Variants in RFC3 observed in about 807,000 individuals in gnomAD.
RFC3 encodes replication factor C subunit 3.
RFC3 carries 41 observed loss-of-function variants against 45.1 expected under a neutral mutation model. That is an observed-to-expected ratio of 0.91 (90% confidence interval 0.71 to 1.18). The LOEUF (loss-of-function observed/expected upper bound fraction) is 1.18, where lower values mean the gene tolerates loss of function less well. RFC3 is among the 50% of genes most tolerant of loss of function. RFC3 has a pLI of 0.00. For missense variants in RFC3, 423 were observed against 428.1 expected (o/e 0.99, Z 0.10); for synonymous variants, 149 against 144.0 (o/e 1.03, Z -0.25).
chr13:33,822,551 G>A (rs1039664158), intron 2 of RFC3, among the ~76,000 whole-genome samples: 13 of 152,126 alleles, frequency 8.5e-5, no homozygotes, highest in African/African-American at 3.1e-4. Context: ...CATGAAAATA[G>A]AGAATTAGAC....
chr13:33,854,262 T>C (rs770712844), intron 8 of RFC3, among the ~76,000 whole-genome samples: 2 of 152,118 alleles, frequency 1.3e-5, no homozygotes, highest in Non-Finnish European at 2.9e-5. Context: ...TCCAGAGTAG[T>C]TATAAAAATA....
chr13:33,905,655 A>G (rs545458334), intron 8 of RFC3, among the ~76,000 whole-genome samples: 2 of 152,204 alleles, frequency 1.3e-5, no homozygotes, highest in African/African-American at 2.4e-5. Flanking sequence ...GATGATTGCT[A>G]CAATATGAAG....
intron 8 of RFC3, among the ~76,000 whole-genome samples, chr13:33,927,854 C>G (rs749837251): frequency 9.9e-5 from 15 of 151,936 alleles, no homozygotes; most frequent in Admixed American, 2.6e-4. Context: ...GTGGGTGGCC[C>G]TATAATACCA....
At chr13:33,862,569 C>A (rs2082347950) in intron 8 of RFC3, among the ~76,000 whole-genome samples, 1 of 152,008 alleles carries the variant, frequency 6.6e-6, no homozygotes, top group Non-Finnish European at 1.5e-5. Flanking sequence ...TTCATACACA[C>A]ACATGTCAAA....
intron 3 of RFC3, 34 bp from the exon 4 acceptor site, chr13:33,825,755 G>A (rs770323339): frequency 8.2e-6 from 10 of 1,220,094 alleles, no homozygotes; most frequent in African/African-American, 7.8e-5. Context: ...AATATTAAGG[G>A]CATACTATAT....
intron 8 of RFC3, among the ~76,000 whole-genome samples, chr13:33,910,876 C>T (rs1469967391): frequency 2.0e-5 from 3 of 151,890 alleles, no homozygotes; most frequent in African/African-American, 7.3e-5. Context: ...GGGAGCAGAG[C>T]AGGAGGAAGT....
At chr13:33,880,326 A>AG (rs2082474679) in intron 8 of RFC3, among the ~76,000 whole-genome samples, 1 of 152,228 alleles carries the variant, frequency 6.6e-6, no homozygotes, top group Non-Finnish European at 1.5e-5. Context: ...ATAAATGTTA[A>AG]GTGCAGCATT....
At chr13:33,955,598 AAC>A (rs1416561149) in intron 8 of RFC3, among the ~76,000 whole-genome samples, 1 of 152,204 alleles carries the variant, frequency 6.6e-6, no homozygotes, top group Non-Finnish European at 1.5e-5. Context: ...GATTTTGCTC[AAC>A]ATAAGTGTTG....
At chr13:33,966,394 T>G in exon 9 of RFC3, 1 of 478,798 alleles carries the variant, frequency 2.1e-6, no homozygotes, top group Non-Finnish European at 3.8e-6. Context: ...AACTCATGTC[T>G]TTCTCAGAGG....
chr13:33,831,300 A>T lies in RFC3; in HGVS notation c.755A>T (p.Glu252Val). The change falls in exon 7 of 9, where the codon GAG becomes GTG. Residue 252 changes from glutamate to valine, a missense_variant. By Grantham distance (121) the Glu-to-Val change is moderately radical. Transcript: ENST00000380071. ...CAAGAAATCCCTGAGACAGATTGGG[A>T]GGTGTATCTGAGGGAGACTGCAAAT... ...ADQEIPETDW[E>V]VYLRETANAI... is the part of the protein sequence containing the mutation. 3.7e-6 allele frequency: 6 copies of T among 1,611,242 alleles called. No homozygotes were observed. The highest frequency in any genetic ancestry group is 5.1e-6 in the Non-Finnish European group (6 of 1,177,390).
chr13:33,826,950 G>A (rs1351148843), intron 4 of RFC3, among the ~76,000 whole-genome samples: 2 of 152,124 alleles, frequency 1.3e-5, no homozygotes, highest in Non-Finnish European at 2.9e-5. Flanking sequence ...CTGGATTTTG[G>A]TCTGAGGTGT....
At chr13:33,861,300 C>T (rs2082339454) in intron 8 of RFC3, among the ~76,000 whole-genome samples, 2 of 152,256 alleles carry the variant, frequency 1.3e-5, no homozygotes, top group Admixed American at 1.3e-4. Flanking sequence ...CTCTATTTTA[C>T]AAGCATATTA....
chr13:33,977,291 A>G, the RFC3 span, among the ~76,000 whole-genome samples: 1 of 152,146 alleles, frequency 6.6e-6, no homozygotes, highest in South Asian at 2.1e-4. Flanking sequence ...AATAATGAGG[A>G]AAATCGGATG....
intron 8 of RFC3, among the ~76,000 whole-genome samples, chr13:33,880,833 A>G (rs923527129): frequency 4.6e-5 from 7 of 152,294 alleles, no homozygotes; most frequent in South Asian, 4.1e-4. Context: ...AGGGGTGGGC[A>G]GATCACAAGG....
downstream of RFC3, among the ~76,000 whole-genome samples, chr13:33,969,088 G>T (rs1000136394): frequency 1.1e-4 from 17 of 152,180 alleles, no homozygotes; most frequent in African/African-American, 3.6e-4. Flanking sequence ...CAACAAATGA[G>T]ATCTGACAAG....
At chr13:33,834,400 T>C (rs1320457581) in intron 7 of RFC3, among the ~76,000 whole-genome samples, 4 of 149,206 alleles carry the variant, frequency 2.7e-5, no homozygotes, top group African/African-American at 7.4e-5. Flanking sequence ...TCTTTTTTTT[T>C]TTTTTCTGTT....
At chr13:33,924,505 T>C (rs1230300170) in intron 8 of RFC3, among the ~76,000 whole-genome samples, 1 of 151,772 alleles carries the variant, frequency 6.6e-6, no homozygotes, top group East Asian at 1.9e-4. Flanking sequence ...GTAATAGGTA[T>C]GGTATAGCTT....
At chr13:33,974,820 G>A in the RFC3 span, among the ~76,000 whole-genome samples, 8 of 152,130 alleles carry the variant, frequency 5.3e-5, no homozygotes, top group African/African-American at 9.6e-5. Context: ...TTAAAACAAC[G>A]AGATATCACT....
intron 8 of RFC3, among the ~76,000 whole-genome samples, chr13:33,911,478 A>G (rs191165432): frequency 2.6e-5 from 4 of 152,214 alleles, no homozygotes; most frequent in Admixed American, 2.0e-4. Flanking sequence ...TTGTGTTGCT[A>G]TAACAGAATA....
Sources: gnomAD v4.1 joint callset for allele counts (sites outside exome capture counted in the v4.1 genomes callset) on GRCh38, gnomAD v4.1.1 for gene constraint, MANE v1.5 for transcripts, NCBI Gene and HGNC (gene_info 2026-07-23, HGNC 2026-07-21) for gene names.